ARSB: variants seen among roughly 807,000 people sequenced by gnomAD.
ARSB encodes the protein N-acetylgalactosamine-4-sulfatase.
Under a neutral mutation model 50.9 loss-of-function variants are expected in ARSB, and 41 were observed. The observed-to-expected ratio is 0.81, with a 90% CI of 0.63 to 1.04. The LOEUF is 1.04. Ranked by LOEUF, ARSB falls within the 50% of genes least tolerant of loss-of-function variation. The pLI, the probability that ARSB is intolerant of heterozygous loss-of-function variation, is 0.00. For synonymous variants in ARSB, 269 were observed against 284.8 expected, an observed-to-expected ratio of 0.94 and a Z score of 0.56; for missense variants, 672 against 693.3, an observed-to-expected ratio of 0.97 and a Z score of 0.35.
At chr5:78,941,153 G>A (rs1750899786) in intron 4 of ARSB, among the ~76,000 whole-genome samples, 1 of 151,226 alleles carries the variant, frequency 6.6e-6, no homozygotes, top group Admixed American at 6.6e-5. Context: ...AGACTTTGCT[G>A]AAGTTGCTTA....
intron 4 of ARSB, among the ~76,000 whole-genome samples, chr5:78,929,724 C>G (rs1182537342): frequency 6.8e-6 from 1 of 147,754 alleles, no homozygotes; most frequent in Non-Finnish European, 1.5e-5. Context: ...ACCCTGGGGG[C>G]TGAGATTGCA....
At chr5:78,956,412 T>TG (rs1437694153) in intron 3 of ARSB, among the ~76,000 whole-genome samples, 2 of 152,070 alleles carry the variant, frequency 1.3e-5, no homozygotes, top group African/African-American at 2.4e-5. Context: ...AAGGTTTTTT[T>TG]GGGGGGATGA....
intron 6 of ARSB, among the ~76,000 whole-genome samples, chr5:78,800,296 T>C (rs1035032984): frequency 9.0e-5 from 13 of 144,100 alleles, no homozygotes; most frequent in African/African-American, 3.4e-4. Context: ...CCAGCCCGGG[T>C]GACAGAGCAA....
At chr5:78,952,187 G>A (rs569612869) in intron 4 of ARSB, among the ~76,000 whole-genome samples, 15 of 137,726 alleles carry the variant, frequency 1.1e-4, no homozygotes, top group Admixed American at 2.9e-4. Flanking sequence ...AGATGTTTAT[G>A]AAATAGTCAA....
intron 4 of ARSB, among the ~76,000 whole-genome samples, chr5:78,945,046 C>T (rs777026424): frequency 3.9e-5 from 6 of 152,168 alleles, no homozygotes; most frequent in Non-Finnish European, 8.8e-5. Flanking sequence ...TAGCAATGAG[C>T]GAGGCTCCAT....
chr5:78,837,334 A>G (rs784586), intron 6 of ARSB, among the ~76,000 whole-genome samples: 122,157 of 152,102 alleles, frequency 0.8, 49,339 homozygotes, highest in Middle Eastern at 0.85. Flanking sequence ...TTTTAAAGCC[A>G]TTCCTGCCTC....
chr5:78,844,739 C>CTTTTTTTATTATGTTTTTTTTTTTTT lies in ARSB; in HGVS notation c.1143-5314_1143-5313insAAAAAAAAAAAAACATAATAAAAAAA, dbSNP rs1745369137. 4.6e-5 allele frequency among the ~76,000 whole-genome samples: 7 copies of CTTTTTTTATTATGTTTTTTTTTTTTT among 152,022 alleles called. No individual in the cohort carries two copies. In the South Asian group the frequency reaches 1.2e-3, roughly 27 times the overall value. On this transcript the variant is annotated intron_variant, in intron 5 of 7. Coordinates refer to ENST00000264914, the MANE Select transcript of ARSB (RefSeq NM_000046.5). ...GGTAGAGATCCAACTTCATTATCTT[C>CTTTTTTTATTATGTTTTTTTTTTTTT]TTTTTTTATTATGTTTAATTGACAT...
At chr5:78,887,651 T>C (rs761111325) in intron 4 of ARSB, among the ~76,000 whole-genome samples, 1 of 152,190 alleles carries the variant, frequency 6.6e-6, no homozygotes, top group Non-Finnish European at 1.5e-5. Context: ...ACAACCCAAA[T>C]AGTTTAGTAT....
At chr5:78,850,127 C>T (rs1745687144) in intron 5 of ARSB, among the ~76,000 whole-genome samples, 2 of 151,956 alleles carry the variant, frequency 1.3e-5, no homozygotes, top group Non-Finnish European at 2.9e-5. Flanking sequence ...AGAGGGCATC[C>T]CTGTCTTGTG....
intron 5 of ARSB, among the ~76,000 whole-genome samples, chr5:78,842,775 T>C (rs551971660): frequency 9.4e-6 from 1 of 106,922 alleles, no homozygotes; most frequent in African/African-American, 3.8e-5. Flanking sequence ...TTTTTGTTTT[T>C]TTCCCTTTTT....
At chr5:78,875,369 A>G (rs75739612) in intron 5 of ARSB, among the ~76,000 whole-genome samples, 13 of 152,126 alleles carry the variant, frequency 8.5e-5, no homozygotes, top group Non-Finnish European at 1.6e-4. Context: ...AATAATATTA[A>G]TATTCTAACA....
At chr5:78,887,575 A>G (rs1748096121) in intron 4 of ARSB, among the ~76,000 whole-genome samples, 1 of 152,198 alleles carries the variant, frequency 6.6e-6, no homozygotes, top group Non-Finnish European at 1.5e-5. Flanking sequence ...TTTTCTTGGC[A>G]GGGTACCTGA....
chr5:78,870,811 C>A (rs1747111338), intron 5 of ARSB, among the ~76,000 whole-genome samples: 1 of 151,488 alleles, frequency 6.6e-6, no homozygotes, highest in South Asian at 2.1e-4. Flanking sequence ...GAAGTTCTGG[C>A]CAGGGCAATT....
At chr5:78,863,047 C>T (rs1746527829) in intron 5 of ARSB, among the ~76,000 whole-genome samples, 1 of 152,234 alleles carries the variant, frequency 6.6e-6, no homozygotes, top group South Asian at 2.1e-4. Context: ...CAAATCAAAA[C>T]CACAATGAGA....
intron 6 of ARSB, among the ~76,000 whole-genome samples, chr5:78,839,010 AG>A (rs1197518588): frequency 6.6e-6 from 1 of 152,218 alleles, no homozygotes; most frequent in Non-Finnish European, 1.5e-5. Context: ...TGGAGCTCTC[AG>A]GTAAGAACAG....
chr5:78,864,217 T>C (rs375731173), intron 5 of ARSB, among the ~76,000 whole-genome samples: 108 of 152,022 alleles, frequency 7.1e-4, no homozygotes, highest in African/African-American at 2.4e-3. Context: ...GATAAAGACA[T>C]CCCCAAGACT....
intron 6 of ARSB, among the ~76,000 whole-genome samples, chr5:78,805,223 C>T (rs956918508): frequency 6.6e-6 from 1 of 152,212 alleles, no homozygotes; most frequent in African/African-American, 2.4e-5. Context: ...CTTAATCCTA[C>T]AGTCCCATCA....
chr5:78,865,688 A>C (rs1746684657), intron 5 of ARSB, among the ~76,000 whole-genome samples: 1 of 152,170 alleles, frequency 6.6e-6, no homozygotes, highest in Non-Finnish European at 1.5e-5. Context: ...CTTCCCTTAT[A>C]AAACTGAATG....
intron 4 of ARSB, among the ~76,000 whole-genome samples, chr5:78,913,367 G>T (rs985743760): frequency 6.6e-6 from 1 of 151,906 alleles, no homozygotes; most frequent in Admixed American, 6.5e-5. Context: ...CTCGTGATCC[G>T]CCCGCCTCAG....
Sources: allele counts gnomAD v4.1 joint callset (sites outside exome capture counted in the v4.1 genomes callset), GRCh38; gene constraint gnomAD v4.1.1; transcripts MANE v1.5; gene names NCBI Gene and HGNC (gene_info 2026-07-23, HGNC 2026-07-21).